Variants in STK32C observed in about 807,000 individuals in gnomAD.
The protein encoded by STK32C is serine/threonine-protein kinase 32C.
In STK32C, 31 loss-of-function variants were observed where a neutral mutation model predicts 56.5. That is an observed-to-expected ratio of 0.55 (90% CI 0.41 to 0.74). STK32C has a LOEUF of 0.74. Among genes scored for constraint, STK32C ranks in the 30% least tolerant of loss-of-function variants. STK32C has a pLI of 0.00. For missense variants in STK32C, 544 were observed against 676.9 expected (o/e 0.80, Z 2.18); for synonymous variants, 309 against 289.4 (o/e 1.07, Z -0.69).
intron 10 of STK32C, among the ~76,000 whole-genome samples, chr10:132,218,163 T>C (rs2062528026): frequency 6.6e-6 from 1 of 152,062 alleles, no homozygotes; most frequent in Non-Finnish European, 1.5e-5. Context: ...CAAAATTTTT[T>C]TCAAATGAGC....
chr10:132,249,452 G>A (rs1328875016), intron 1 of STK32C, among the ~76,000 whole-genome samples: 5 of 152,148 alleles, frequency 3.3e-5, no homozygotes, highest in African/African-American at 1.2e-4. Context: ...AAGCAGCAGA[G>A]TGGACACCTG....
At position 132,207,667 on chromosome 10, in the gene STK32C, C is replaced by A; in HGVS notation, c.*343G>T. 1 of 225,492 alleles carries A rather than the reference C, an allele frequency of 4.4e-6. No individual in the cohort carries two copies. Among genetic ancestry groups the A allele is most frequent in the East Asian group, 8.7e-5 (1 of 11,438 alleles). The allele number at this position is 225,492 out of a possible 1,614,324, so 14.0% of individuals were successfully genotyped here. ...CTGTGCTGCAAGGGTCACCTTGTGA[C>A]GAGGGCCGTGCACAGCCTCCGGGCT... On this transcript the variant is annotated 3_prime_UTR_variant, in exon 12 of 12. Transcript: ENST00000298630.
intron 1 of STK32C, among the ~76,000 whole-genome samples, chr10:132,305,402 T>C (rs6560689): frequency 0.014 from 2,201 of 152,354 alleles, 43 homozygotes; most frequent in South Asian, 0.045. Flanking sequence ...TTTTTCCTTT[T>C]CTCTGCATAC....
At chr10:132,213,460 G>T (rs981303498) in intron 10 of STK32C, among the ~76,000 whole-genome samples, 1 of 152,244 alleles carries the variant, frequency 6.6e-6, no homozygotes, top group Non-Finnish European at 1.5e-5. Context: ...CCCGGGAAAT[G>T]AAAACAAATG....
chr10:132,242,226 G>A (rs1404571708), intron 2 of STK32C, among the ~76,000 whole-genome samples: 1 of 152,156 alleles, frequency 6.6e-6, no homozygotes, highest in African/African-American at 2.4e-5. Context: ...TGGGGGCCAG[G>A]GGCTGGTGTC....
In STK32C at chr10:132,255,060, ACAG is replaced by A. The variant is rs1452592663; in HGVS notation, c.263-9108_263-9106del. On this transcript the variant is annotated intron_variant, in intron 1 of 11. Coordinates refer to ENST00000298630, the MANE Select transcript of STK32C (RefSeq NM_173575.4). The surrounding 1 kb of genome is among the most constrained non-coding windows in gnomAD (Gnocchi z 4.6). ...GCCCGTTCACCAATGGGAGGATTGC[ACAG>A]CAGAAGTGGGCACTACTGTGAGAGC... 6.6e-6 allele frequency among the ~76,000 whole-genome samples: 1 copy of A among 152,200 alleles called. No individual in the cohort carries two copies. Among genetic ancestry groups the A allele is most frequent in the Non-Finnish European group, 1.5e-5 (1 of 68,034 alleles).
chr10:132,257,298 T>A (rs949652977), intron 1 of STK32C, among the ~76,000 whole-genome samples: 1 of 152,108 alleles, frequency 6.6e-6, no homozygotes, highest in Non-Finnish European at 1.5e-5. Context: ...TCCTCCCACC[T>A]GCAGCCCCTG....
intron 1 of STK32C, among the ~76,000 whole-genome samples, chr10:132,274,544 C>G (rs1398887558): frequency 6.6e-6 from 1 of 152,214 alleles, no homozygotes; most frequent in Admixed American, 6.5e-5. Flanking sequence ...GGAGGCTGCA[C>G]CGCCCGCTGA....
chr10:132,217,843 T>A (rs983472703), intron 10 of STK32C, among the ~76,000 whole-genome samples: 2 of 152,170 alleles, frequency 1.3e-5, no homozygotes, highest in Non-Finnish European at 2.9e-5. Context: ...CATGTGGAAC[T>A]GTAAATCCAT....
intron 2 of STK32C, among the ~76,000 whole-genome samples, chr10:132,236,054 G>A (rs946191660): frequency 1.3e-5 from 2 of 152,200 alleles, no homozygotes; most frequent in African/African-American, 2.4e-5. Context: ...CCGGGTGCTT[G>A]TGGGGGGTCA....
chr10:132,277,135 G>C (rs142619532), intron 1 of STK32C, among the ~76,000 whole-genome samples: 1 of 152,266 alleles, frequency 6.6e-6, no homozygotes, highest in African/African-American at 2.4e-5. Flanking sequence ...GAAGAGCCGA[G>C]CAGGGCCAGC....
At position 132,208,137 on chromosome 10, in the gene STK32C, T is replaced by C; in HGVS notation, c.1334A>G (p.Gln445Arg). ...IFNREKLKRSQDLPREPLPAP... is the reference protein window; with the variant it reads ...IFNREKLKRSRDLPREPLPAP... ...GGGGAGAGGCTCCCTCGGGAGGTCC[T>C]GGCTCCTCTTCAGCCTGGGGTGGCA... The change falls in exon 12 of 12, where the codon CAG becomes CGG. Residue 445 changes from glutamine to arginine, a missense_variant. Gln to Arg is a conservative substitution (Grantham distance 43). This residue lies in a region of STK32C where 277 missense variants were observed against 309.3 expected (regional missense o/e 0.90). Transcript: ENST00000298630. The C allele has an allele frequency of 7.6e-7, 1 of 1,310,404 alleles. No individual in the cohort carries two copies. The allele number at this position is 1,310,404 out of a possible 1,614,324, so 81.2% of individuals were successfully genotyped here. A position where few individuals can be genotyped will look rare whatever the true frequency, so the allele number is the denominator to read the frequency against.
intron 1 of STK32C, among the ~76,000 whole-genome samples, chr10:132,301,366 G>A (rs762929710): frequency 6.6e-6 from 1 of 152,224 alleles, no homozygotes; most frequent in Non-Finnish European, 1.5e-5. Context: ...CTTACTTGAT[G>A]TAAGAGCCGA....
rs188192896 is a variant in STK32C, at chr10:132,265,593, C to T, written c.263-19638G>A. Among the ~76,000 whole-genome samples the T allele has an allele frequency of 2.5e-3, 374 of 152,268 alleles. 2 individuals carry two copies. Among genetic ancestry groups the T allele is most frequent in the African/African-American group, 8.5e-3 (354 of 41,546 alleles). ...TGGGAGGCCTCTCGCTTTCATGGCT[C>T]GGGACAATGTCTTTCCTTCCTGCTG... On this transcript the variant is annotated intron_variant, in intron 1 of 11. Transcript: ENST00000298630.
At chr10:132,291,355 C>T (rs1006165821) in intron 1 of STK32C, among the ~76,000 whole-genome samples, 1 of 152,154 alleles carries the variant, frequency 6.6e-6, no homozygotes, top group Non-Finnish European at 1.5e-5. Context: ...TGGATGTTCT[C>T]GATCTGAGAT....
chr10:132,307,879 G>A lies in STK32C; in HGVS notation c.-46C>T, dbSNP rs1238885739. On this transcript the variant is annotated 5_prime_UTR_variant, in exon 1 of 12. Coordinates refer to ENST00000298630, the MANE Select transcript of STK32C (RefSeq NM_173575.4). The surrounding 1 kb of genome is among the most constrained non-coding windows in gnomAD (Gnocchi z 4.4). Reference sequence around the variant, plus strand: ...GGCAGCCGGAACTCGGGGCATGGCCGGCCGGCAGGGCCGGGAGCGGCAGTG... The same window carrying A: ...GGCAGCCGGAACTCGGGGCATGGCCAGCCGGCAGGGCCGGGAGCGGCAGTG... 2.5e-5 allele frequency: 29 copies of A among 1,140,500 alleles called. 2 individuals are homozygous for A. The highest frequency in any genetic ancestry group is 1.0e-4 in the African/African-American group (6 of 58,384). 70.6% of individuals were successfully genotyped at this position (1,140,500 alleles called of 1,614,324 possible).
intron 1 of STK32C, among the ~76,000 whole-genome samples, chr10:132,305,832 C>T (rs1333108341): frequency 6.6e-6 from 1 of 152,238 alleles, no homozygotes. Flanking sequence ...CCTAGTCTTG[C>T]CCTCCTGATT....
chr10:132,253,302 C>T (rs538759096), intron 1 of STK32C, among the ~76,000 whole-genome samples: 2 of 152,158 alleles, frequency 1.3e-5, no homozygotes, highest in African/African-American at 4.8e-5. Context: ...GAACTGGAAC[C>T]GGGCAAAAGG....
chr10:132,240,099 GC>G lies in STK32C; in HGVS notation c.318+5800del, dbSNP rs202044162. Among the ~76,000 whole-genome samples the G allele has an allele frequency of 4.2e-3, 638 of 151,920 alleles. 7 individuals carry two copies. Among genetic ancestry groups the G allele is most frequent in the Middle Eastern group, 0.014 (4 of 292 alleles). ...CCCCCCAAAGAAGACCCCCAGGGAA[GC>G]CCCCCCAGGGCAGAGCCTGGGCTAC... is the stretch of plus-strand genomic sequence containing the variant. On this transcript the variant is annotated intron_variant, in intron 2 of 11. Transcript: ENST00000298630.
Sources: allele counts gnomAD v4.1 joint callset (sites outside exome capture counted in the v4.1 genomes callset), GRCh38; gene constraint gnomAD v4.1.1; regional missense constraint gnomAD v4.1.1; non-coding constraint Gnocchi (gnomAD v3.1); transcripts MANE v1.5; gene names NCBI Gene and HGNC (gene_info 2026-07-23, HGNC 2026-07-21).